The following PRCP variants were observed in gnomAD, a reference collection of about 807,000 sequenced individuals.
PRCP encodes prolylcarboxypeptidase.
Under a neutral mutation model 54.2 loss-of-function variants are expected in PRCP, and 46 were observed. That is an observed-to-expected ratio of 0.85 (90% CI 0.67 to 1.09). The LOEUF is 1.09. PRCP is among the 50% of genes least tolerant of loss of function. The probability of loss-of-function intolerance (pLI) is 0.00; values close to 1 mark genes in which losing one functional copy is unlikely to be tolerated. For missense variants in PRCP, 613 were observed against 596.8 expected (o/e 1.03, Z -0.28); for synonymous variants, 240 against 212.2 (o/e 1.13, Z -1.14).
At chr11:82,895,731 A>T (rs748380039) in intron 1 of PRCP, among the ~76,000 whole-genome samples, 6 of 152,192 alleles carry the variant, frequency 3.9e-5, no homozygotes, top group Non-Finnish European at 7.3e-5. Flanking sequence ...AATTTAAAGG[A>T]GGAGGAGAAA....
intron 7 of PRCP, 75 bp downstream of exon 7, chr11:82,839,186 T>A (rs1399973997): frequency 6.7e-7 from 1 of 1,484,688 alleles, no homozygotes; most frequent in Admixed American, 2.1e-5. Flanking sequence ...AAATCTTGTG[T>A]ACCCTGATTT....
chr11:82,841,760 G>A (rs185746934), intron 6 of PRCP, among the ~76,000 whole-genome samples: 50 of 152,136 alleles, frequency 3.3e-4, no homozygotes, highest in Non-Finnish European at 6.9e-4. Context: ...ATTTTTCATG[G>A]TAAGTCAAAA....
intron 1 of PRCP, among the ~76,000 whole-genome samples, chr11:82,874,601 G>A: frequency 6.6e-6 from 1 of 151,146 alleles, no homozygotes. Context: ...TGAAGTGGGA[G>A]GATCACCTGA....
At chr11:82,851,451 T>C (rs1208196399) in intron 3 of PRCP, among the ~76,000 whole-genome samples, 2 of 149,628 alleles carry the variant, frequency 1.3e-5, no homozygotes, top group African/African-American at 4.9e-5. Context: ...CTGCAGCCTC[T>C]TGTCAACATC....
chr11:82,878,189 C>T (rs1859652080), intron 1 of PRCP, among the ~76,000 whole-genome samples: 1 of 152,192 alleles, frequency 6.6e-6, no homozygotes, highest in African/African-American at 2.4e-5. Flanking sequence ...CACATTGTAT[C>T]TAGGAAGTAA....
At chr11:82,862,726 AC>A (rs1472850539) in intron 1 of PRCP, among the ~76,000 whole-genome samples, 8 of 152,206 alleles carry the variant, frequency 5.3e-5, no homozygotes, top group Admixed American at 2.0e-4. Context: ...AAGACTGTCT[AC>A]TTTTCAGGAA....
chr11:82,844,892 C>T (rs1474502562), intron 6 of PRCP, among the ~76,000 whole-genome samples: 1 of 151,908 alleles, frequency 6.6e-6, no homozygotes, highest in African/African-American at 2.4e-5. Flanking sequence ...AATACACCTG[C>T]TGTCTCATGC....
At chr11:82,873,081 A>G (rs202037482) in intron 1 of PRCP, among the ~76,000 whole-genome samples, 38 of 127,770 alleles carry the variant, frequency 3.0e-4, no homozygotes, top group Non-Finnish European at 8.4e-5. Flanking sequence ...TTTTTTTTTA[A>G]AAAAAAAGAA....
intron 6 of PRCP, among the ~76,000 whole-genome samples, chr11:82,842,217 CCACAAATAGCAGTTACTGT>C (rs1419759329): frequency 6.6e-6 from 1 of 152,194 alleles, no homozygotes; most frequent in African/African-American, 2.4e-5. Flanking sequence ...ATAGCCATCT[CCACAAATAGCAGTTACTGT>C]CACTTCTTAA....
chr11:82,880,373 T>C (rs1056511228), intron 1 of PRCP, among the ~76,000 whole-genome samples: 1 of 152,246 alleles, frequency 6.6e-6, no homozygotes, highest in Admixed American at 6.5e-5. Flanking sequence ...GTGTGCCATT[T>C]GCTAAGACCA....
At chr11:82,881,179 T>G (rs960829023) in intron 1 of PRCP, among the ~76,000 whole-genome samples, 62 of 152,242 alleles carry the variant, frequency 4.1e-4, no homozygotes, top group African/African-American at 1.4e-3. Flanking sequence ...GGTCATAGTG[T>G]TTTTCTTTAA....
intron 1 of PRCP, among the ~76,000 whole-genome samples, chr11:82,868,955 G>A (rs1461343474): frequency 6.6e-6 from 1 of 152,160 alleles, no homozygotes; most frequent in Non-Finnish European, 1.5e-5. Flanking sequence ...AGAATCACTT[G>A]AACCTGGGAG....
At chr11:82,832,746 G>A (rs186386544) in intron 8 of PRCP, among the ~76,000 whole-genome samples, 87 of 152,246 alleles carry the variant, frequency 5.7e-4, no homozygotes, top group African/African-American at 2.0e-3. Flanking sequence ...TGTTGCCATT[G>A]CTTTTGGTGT....
intron 1 of PRCP, among the ~76,000 whole-genome samples, chr11:82,880,387 G>A (rs182149270): frequency 2.6e-3 from 395 of 152,314 alleles, no homozygotes; most frequent in Non-Finnish European, 4.3e-3. Context: ...AAGACCATTG[G>A]AAAAGCACAG....
intron 1 of PRCP, among the ~76,000 whole-genome samples, chr11:82,881,435 G>A (rs768277500): frequency 1.3e-5 from 2 of 152,156 alleles, no homozygotes; most frequent in African/African-American, 2.4e-5. Flanking sequence ...AGACAGTAAG[G>A]ACTAGGGCAC....
rs767206689 is a variant in PRCP, at chr11:82,900,427, G to A, written c.-25C>T. ...TGGCTCAGGCTGGAGACTGCAGTGC[G>A]GGTGGGAGGGCGAAAAGGAGGCCAG... On this transcript the variant is annotated 5_prime_UTR_variant, in exon 1 of 9. Coordinates refer to ENST00000313010, the MANE Select transcript of PRCP (RefSeq NM_005040.4). The A allele has an allele frequency of 1.2e-6, 2 of 1,609,394 alleles. No individual in the cohort carries two copies. The highest frequency in any genetic ancestry group is 8.5e-7 in the Non-Finnish European group (1 of 1,179,246).
chr11:82,843,989 GA>G (rs36057569), intron 6 of PRCP, among the ~76,000 whole-genome samples: 3,350 of 129,936 alleles, frequency 0.026, 105 homozygotes, highest in African/African-American at 0.084. Flanking sequence ...TCTGATGTGG[GA>G]AAAAAAAAAA....
chr11:82,894,879 C>T (rs1860082934), intron 1 of PRCP, among the ~76,000 whole-genome samples: 1 of 152,158 alleles, frequency 6.6e-6, no homozygotes, highest in South Asian at 2.1e-4. Context: ...CCCCCCAACA[C>T]TTTATCAACA....
chr11:82,900,154 G>A (rs1860229457), intron 1 of PRCP, 81 bp downstream of exon 1: 1 of 1,522,640 alleles, frequency 6.6e-7, no homozygotes, highest in African/African-American at 1.4e-5. Flanking sequence ...GAATTTCGAG[G>A]TAGGCTCCGT....
Sources: allele counts gnomAD v4.1 joint callset (sites outside exome capture counted in the v4.1 genomes callset), GRCh38; gene constraint gnomAD v4.1.1; transcripts MANE v1.5; gene names NCBI Gene and HGNC (gene_info 2026-07-23, HGNC 2026-07-21).